Variants in TBC1D13 observed in about 807,000 individuals in gnomAD.
TBC1D13 encodes epididymis secretory sperm binding protein.
In TBC1D13, 40 loss-of-function variants were observed where a neutral mutation model predicts 53.6. The observed-to-expected ratio is 0.75, with a 90% confidence interval of 0.58 to 0.97. The LOEUF is 0.97. Ranked by LOEUF, TBC1D13 falls within the 50% of genes least tolerant of loss-of-function variation. The pLI, the probability that TBC1D13 is intolerant of heterozygous loss-of-function variation, is 0.00. For synonymous variants in TBC1D13, 182 were observed against 197.7 expected (o/e 0.92, Z 0.67); for missense variants, 377 against 499.4 (o/e 0.75, Z 2.34).
intron 6 of TBC1D13, among the ~76,000 whole-genome samples, chr9:128,793,342 G>C (rs149731295): frequency 5.2e-4 from 79 of 152,370 alleles, no homozygotes; most frequent in Admixed American, 1.5e-3. Flanking sequence ...ACTTGGTAAA[G>C]AAATGTGGAG....
intron 7 of TBC1D13, 56 bp from the exon 8 acceptor site, chr9:128,803,194 T>G: frequency 1.3e-6 from 2 of 1,526,940 alleles, no homozygotes; most frequent in Non-Finnish European, 9.1e-7. Flanking sequence ...ATTTCAGGCA[T>G]GAGCCACTGA....
chr9:128,788,271 G>A (rs559380675), intron 1 of TBC1D13, 63 bp from the exon 2 acceptor site: 2 of 1,457,454 alleles, frequency 1.4e-6, no homozygotes, highest in East Asian at 2.3e-5. Flanking sequence ...GGGAGCTGAG[G>A]GCTGTGGGTC....
intron 6 of TBC1D13, among the ~76,000 whole-genome samples, chr9:128,795,583 C>T (rs938938204): frequency 6.6e-6 from 1 of 150,914 alleles, no homozygotes; most frequent in South Asian, 2.1e-4. Context: ...GCCTCAGCCT[C>T]CTAAGTAGCT....
intron 6 of TBC1D13, among the ~76,000 whole-genome samples, chr9:128,796,447 C>T (rs986705948): frequency 1.3e-5 from 2 of 152,084 alleles, no homozygotes; most frequent in South Asian, 4.1e-4. Flanking sequence ...AACGGAGTTT[C>T]TCCATGTTGG....
At chr9:128,806,723 A>G (rs1829841480) in intron 11 of TBC1D13, among the ~76,000 whole-genome samples, 1 of 152,080 alleles carries the variant, frequency 6.6e-6, no homozygotes, top group Admixed American at 6.6e-5. Flanking sequence ...TGGGTGGACC[A>G]CCTGAGGTCT....
chr9:128,787,372 A>G lies in TBC1D13; in HGVS notation c.19A>G (p.Ser7Gly). ...CAACACCATGTCAAGTCTGCACAAG[A>G]GCCGGTAAGGGGCCATGGGGCCTGA... MSSLHK[S>G]RIADFQDVLK... The change falls in exon 1 of 12, where the codon AGC (serine) becomes GGC (glycine). Residue 7 changes from serine (S) to glycine (G), a missense_variant. Coordinates refer to ENST00000372648, the MANE Select transcript of TBC1D13 (RefSeq NM_018201.5). The G allele has an allele frequency of 1.6e-6, 2 of 1,259,848 alleles. No individual in the cohort carries two copies. The highest frequency in any genetic ancestry group is 1.5e-5 in the African/African-American group (1 of 65,116). The allele number at this position is 1,259,848 out of a possible 1,614,324, so 78.0% of individuals were successfully genotyped here.
chr9:128,792,425 C>G, intron 5 of TBC1D13, 67 bp from the exon 6 acceptor site: 11 of 1,457,414 alleles, frequency 7.5e-6, no homozygotes, highest in Middle Eastern at 1.8e-4. Context: ...GCTCAGGTTT[C>G]CGGGATAGAA....
intron 9 of TBC1D13, 48 bp downstream of exon 9, chr9:128,804,167 G>A (rs1445915955): frequency 1.3e-6 from 2 of 1,595,938 alleles, no homozygotes; most frequent in South Asian, 2.2e-5. Flanking sequence ...GAGGCAGAGA[G>A]TTGCTGTGCC....
At position 128,808,288 on chromosome 9, in the gene TBC1D13, G is replaced by A. The variant is rs765603766; in HGVS notation, c.*409G>A. 6 of 235,880 alleles carry A rather than the reference G, an allele frequency of 2.5e-5. No homozygotes were observed. The highest frequency in any genetic ancestry group is 5.2e-5 in the Non-Finnish European group (6 of 115,778). 14.6% of individuals were successfully genotyped at this position (235,880 alleles called of 1,614,324 possible). A position where few individuals can be genotyped will look rare whatever the true frequency, so the allele number is the denominator to read the frequency against. ...GGGCCAGAAACCGCTTCTGAGCGGG[G>A]CACTTCGGCTGCTCCACAGGGAAGG... On this transcript the variant is annotated 3_prime_UTR_variant, in exon 12 of 12. Transcript: ENST00000372648.
In TBC1D13 at chr9:128,804,059, C is replaced by G. The variant is rs761002880; in HGVS notation, c.858C>G (p.Tyr286Ter). ...SLDDSQCGIT[Y>*]KMEKVYSTLK... The stretch of plus-strand genomic sequence containing the variant: ...ATGACTCGCAGTGTGGCATCACCTA[C>G]AAGATGGAGAAGGTTTACTCCACCT... The change falls in exon 9 of 12, where the codon TAC becomes TAG. Residue 286 changes from tyrosine (Y) to a stop codon, truncating the protein, a stop_gained. Coordinates refer to ENST00000372648, the MANE Select transcript of TBC1D13 (RefSeq NM_018201.5). LOFTEE classifies it high-confidence loss of function. The G allele has an allele frequency of 1.2e-6, 2 of 1,614,130 alleles. No individual in the cohort carries two copies. The highest frequency in any genetic ancestry group is 1.1e-5 in the South Asian group (1 of 91,076).
intron 7 of TBC1D13, among the ~76,000 whole-genome samples, chr9:128,799,340 T>C (rs1200345320): frequency 6.6e-6 from 1 of 152,172 alleles, no homozygotes; most frequent in Non-Finnish European, 1.5e-5. Flanking sequence ...ATTGGGCAGT[T>C]TGAGTTAAAG....
intron 6 of TBC1D13, among the ~76,000 whole-genome samples, chr9:128,795,467 TTTTTTTTTTTTG>T (rs1829613000): frequency 7.3e-5 from 1 of 13,722 alleles, no homozygotes; most frequent in African/African-American, 2.1e-4. Context: ...TTTTTTTTTT[TTTTTTTTTTTTG>T]GGAAGGAGTC....
At chr9:128,794,874 T>C (rs932442678) in intron 6 of TBC1D13, among the ~76,000 whole-genome samples, 9 of 151,642 alleles carry the variant, frequency 5.9e-5, no homozygotes, top group African/African-American at 2.4e-5. Flanking sequence ...TGTACTGCAA[T>C]ACATATATTT....
At chr9:128,790,714 C>A in intron 2 of TBC1D13, 21 bp from the exon 3 acceptor site, 1 of 1,540,852 alleles carries the variant, frequency 6.5e-7, no homozygotes. Flanking sequence ...GGGGCATGAC[C>A]TTTGCCTGCT....
At position 128,805,973 on chromosome 9, in the gene TBC1D13, G is replaced by A; in HGVS notation, c.1033G>A (p.Asp345Asn). ...CATCTGGGACTCCCTCTTCGCCGAT[G>A]ACAACCGCTTTGACTTCCTCCTCCT... The part of the protein sequence containing the change: ...IRIWDSLFAD[D>N]NRFDFLLLVC... The change falls in exon 10 of 12, where the codon GAC becomes AAC. Residue 345 changes from aspartate (D) to asparagine (N), a missense_variant. Asp to Asn is a conservative substitution (Grantham distance 23). Transcript: ENST00000372648. 1 of 1,614,230 alleles carries A rather than the reference G, an allele frequency of 6.2e-7. No homozygotes were observed. The highest frequency in any genetic ancestry group is 8.5e-7 in the Non-Finnish European group (1 of 1,180,048).
rs35557291 is a variant in TBC1D13, at chr9:128,788,376, A to G, written c.66A>G (p.Ala22=). 14,165 of 1,614,038 alleles carry G rather than the reference A, an allele frequency of 8.8e-3. 1,048 individuals are homozygous for G. The African/African-American group carries it at 0.16, about 19-fold the overall frequency. Residue 22 remains alanine, a synonymous_variant, in exon 2 of 12, where the codon GCA becomes GCG. Transcript: ENST00000372648. ...ATGTCCTGAAGGAGCCCTCAATTGC[A>G]TTGGAAAAGCTGCGGGAACTCAGCT... ...FQDVLKEPSI[A]LEKLRELSFS...
Position 128,797,203 on chromosome 9 carries a change from G to A in TBC1D13, c.532G>A (p.Gly178Arg). 6.2e-7 allele frequency: 1 copy of A among 1,614,010 alleles called. No individual in the cohort carries two copies. Among genetic ancestry groups the A allele is most frequent in the Non-Finnish European group, 8.5e-7 (1 of 1,179,956 alleles). The change falls in exon 7 of 12, where the codon GGG becomes AGG. Residue 178 changes from glycine to arginine, a missense_variant. Coordinates refer to ENST00000372648, the MANE Select transcript of TBC1D13 (RefSeq NM_018201.5). ...TCAGACGGTGGCCCGGAACCGGAGT[G>A]GGGTCACAAATGTGAGTGCCAACCT... is the stretch of plus-strand genomic sequence containing the variant. ...KSQTVARNRS[G>R]VTNMSSPHKN...
chr9:128,808,880 C>T lies in TBC1D13; in HGVS notation c.*1001C>T. 6.6e-6 allele frequency: 1 copy of T among 152,482 alleles called. No individual in the cohort carries two copies. 9.4% of individuals were successfully genotyped at this position (152,482 alleles called of 1,614,324 possible). ...AGGATGAAGCTTTGAGCCTCCTGCC[C>T]CTGCTTTCTGCCCAGGGAGGGAGAA... On this transcript the variant is annotated 3_prime_UTR_variant, in exon 12 of 12. Transcript: ENST00000372648.
At position 128,787,325 on chromosome 9, in the gene TBC1D13, G is replaced by A. The variant is rs758236217; in HGVS notation, c.-29G>A. 1.4e-5 allele frequency: 18 copies of A among 1,256,956 alleles called. No homozygotes were observed. Among genetic ancestry groups the A allele is most frequent in the Middle Eastern group, 2.0e-4 (1 of 4,886 alleles). The allele number at this position is 1,256,956 out of a possible 1,614,324, so 77.9% of individuals were successfully genotyped here. A position where few individuals can be genotyped will look rare whatever the true frequency, so the allele number is the denominator to read the frequency against. On this transcript the variant is annotated 5_prime_UTR_variant, in exon 1 of 12. Transcript: ENST00000372648. ...AGGCGGCAGAGGCGCAGGCGGCGGA[G>A]GCGGCTGGGGGGTCCGGAAGTCAAC... is the stretch of plus-strand genomic sequence containing the variant.
Sources: gnomAD v4.1 joint callset for allele counts (sites outside exome capture counted in the v4.1 genomes callset) on GRCh38, gnomAD v4.1.1 for gene constraint, MANE v1.5 for transcripts, NCBI Gene and HGNC (gene_info 2026-07-23, HGNC 2026-07-21) for gene names.